PTPRD: variants seen among roughly 807,000 people sequenced by gnomAD.
PTPRD encodes protein tyrosine phosphatase receptor type D.
PTPRD carries 34 observed loss-of-function variants against 214.5 expected under a neutral mutation model. The observed-to-expected ratio is 0.16, with a 90% confidence interval of 0.12 to 0.21. The LOEUF is 0.21. Ranked by LOEUF, PTPRD falls within the 10% of genes least tolerant of loss-of-function variation. The pLI is 1.00. For synonymous variants in PTPRD, 1,128 were observed against 845.7 expected, an observed-to-expected ratio of 1.33 and a Z score of -5.79; for missense variants, 2,545 against 2,398.7, an observed-to-expected ratio of 1.06 and a Z score of -1.27.
chr9:9,323,473 C>T lies in PTPRD; in HGVS notation c.-203+73976G>A, dbSNP rs140635999. Among the ~76,000 whole-genome samples the T allele has an allele frequency of 1.9e-3, 285 of 152,202 alleles. 3 individuals are homozygous for T. The highest frequency in any genetic ancestry group is 6.6e-3 in the African/African-American group (274 of 41,532). Reference sequence around the variant, plus strand: ...GCTAATCAATATAATCTGATGTCGACCAGGTCGTCTAACTCCACATTCAGT... The same window carrying T: ...GCTAATCAATATAATCTGATGTCGATCAGGTCGTCTAACTCCACATTCAGT... On this transcript the variant is annotated intron_variant, in intron 9 of 45. Transcript: ENST00000381196.
rs1009327495 is a variant in PTPRD, at chr9:8,634,199, C to T, written c.211-741G>A. 2.0e-5 allele frequency among the ~76,000 whole-genome samples: 3 copies of T among 151,346 alleles called. No homozygotes were observed. The South Asian group carries it at 6.3e-4, about 32-fold the overall frequency. Reference sequence around the variant, plus strand: ...TCTTCTTGGAAACAGTTTAGTGACACTGATAATCCTGGGTACTTGTTAGCT... The same window carrying T: ...TCTTCTTGGAAACAGTTTAGTGACATTGATAATCCTGGGTACTTGTTAGCT... On this transcript the variant is annotated intron_variant, in intron 13 of 45. Transcript: ENST00000381196.
chr9:9,432,293 G>A (rs968944182), intron 8 of PTPRD, among the ~76,000 whole-genome samples: 64 of 152,134 alleles, frequency 4.2e-4, no homozygotes, highest in African/African-American at 1.4e-3. Context: ...AAGCATGTCA[G>A]TTTCTAATTT....
chr9:10,333,918 G>A (rs2096796463), intron 3 of PTPRD, among the ~76,000 whole-genome samples: 1 of 151,704 alleles, frequency 6.6e-6, no homozygotes, highest in African/African-American at 2.4e-5. Context: ...ACTTTCTGTT[G>A]TTGAAGAAAA....
At chr9:10,182,544 C>T in intron 3 of PTPRD, among the ~76,000 whole-genome samples, 1 of 151,992 alleles carries the variant, frequency 6.6e-6, no homozygotes, top group East Asian at 1.9e-4. Flanking sequence ...AAGTGTTTAA[C>T]ATCTATTTAC....
Position 9,367,343 on chromosome 9 carries a change from A to G in PTPRD, c.-203+30106T>C, listed in dbSNP as rs188446555. 9.0e-4 allele frequency among the ~76,000 whole-genome samples: 137 copies of G among 151,746 alleles called. 4 individuals are homozygous for G. The East Asian group carries it at 0.017, about 19-fold the overall frequency. On this transcript the variant is annotated intron_variant, in intron 9 of 45. Coordinates refer to ENST00000381196, the MANE Select transcript of PTPRD (RefSeq NM_002839.4). Reference sequence around the variant, plus strand: ...ATTTTAGTATTTTACAGTAAATAAAAGGAAAAATATACATATTTTGAAAAA... The same window carrying G: ...ATTTTAGTATTTTACAGTAAATAAAGGGAAAAATATACATATTTTGAAAAA...
intron 11 of PTPRD, among the ~76,000 whole-genome samples, chr9:8,767,265 G>C (rs1049935866): frequency 1.4e-4 from 22 of 152,108 alleles, no homozygotes; most frequent in African/African-American, 5.3e-4. Flanking sequence ...TTACAGGTGT[G>C]CACCACCACA....
chr9:10,175,541 G>A lies in PTPRD; in HGVS notation c.-544-141751C>T, dbSNP rs1345210155. ...ATCTGAACAGAAAGTGATGGCCTAA[G>A]ATTTTTTATGTGTTAACTTTGAATG... On this transcript the variant is annotated intron_variant, in intron 3 of 45. Transcript: ENST00000381196. Among the ~76,000 whole-genome samples the A allele has an allele frequency of 2.0e-5, 3 of 152,082 alleles. No individual in the cohort carries two copies. The East Asian group carries it at 5.8e-4, about 29-fold the overall frequency.
chr9:9,703,838 C>G (rs1375946115), intron 7 of PTPRD, among the ~76,000 whole-genome samples: 1 of 152,040 alleles, frequency 6.6e-6, no homozygotes, highest in African/African-American at 2.4e-5. Context: ...ATGTTGAGAA[C>G]ATATAGAATG....
At position 8,749,863 on chromosome 9, in the gene PTPRD, A is replaced by G. The variant is rs528326940; in HGVS notation, c.-103-15917T>C. On this transcript the variant is annotated intron_variant, in intron 11 of 45. Transcript: ENST00000381196. ...ACGCCTGTAATCACAACACTTTGGG[A>G]GGCCAAGGAGGGTGGATGATCTGAA... Among the ~76,000 whole-genome samples, 7 of 152,184 alleles carry G rather than the reference A, an allele frequency of 4.6e-5. No homozygotes were observed. The South Asian group carries it at 1.5e-3, about 32-fold the overall frequency.
At chr9:9,339,155 T>A (rs1471815234) in intron 9 of PTPRD, among the ~76,000 whole-genome samples, 1 of 151,942 alleles carries the variant, frequency 6.6e-6, no homozygotes, top group African/African-American at 2.4e-5. Context: ...GAAAAGAATT[T>A]TTCATGTTAA....
chr9:10,356,338 G>A (rs1378361599), intron 2 of PTPRD, among the ~76,000 whole-genome samples: 1 of 152,024 alleles, frequency 6.6e-6, no homozygotes, highest in Non-Finnish European at 1.5e-5. Context: ...ACCATGAAGG[G>A]ATACATAAGA....
chr9:8,926,494 C>T (rs2098894706), intron 11 of PTPRD, among the ~76,000 whole-genome samples: 2 of 152,022 alleles, frequency 1.3e-5, no homozygotes, highest in African/African-American at 2.4e-5. Flanking sequence ...TCCTATGTGA[C>T]CCTGAACTCT....
intron 9 of PTPRD, among the ~76,000 whole-genome samples, chr9:9,310,516 G>A (rs1052142276): frequency 1.3e-5 from 2 of 152,118 alleles, no homozygotes; most frequent in African/African-American, 4.8e-5. Context: ...AACCTGATGT[G>A]ACAATCATGT....
At chr9:8,499,294 A>T (rs2097344466) in intron 25 of PTPRD, among the ~76,000 whole-genome samples, 1 of 152,180 alleles carries the variant, frequency 6.6e-6, no homozygotes, top group African/African-American at 2.4e-5. Flanking sequence ...AAGAAAGTAG[A>T]CTCCATCAGC....
At chr9:8,522,465 G>T (rs1022272564) in intron 19 of PTPRD, among the ~76,000 whole-genome samples, 3 of 152,130 alleles carry the variant, frequency 2.0e-5, no homozygotes, top group African/African-American at 7.2e-5. Context: ...TCACATACAG[G>T]ATTCCATTCA....
rs76977813 is a variant in PTPRD, at chr9:10,416,612, A to G, written c.-599-75595T>C. Among the ~76,000 whole-genome samples, 7 of 152,066 alleles carry G rather than the reference A, an allele frequency of 4.6e-5. No individual in the cohort carries two copies. The East Asian group carries it at 1.4e-3, about 30-fold the overall frequency. On this transcript the variant is annotated intron_variant, in intron 2 of 45. Transcript: ENST00000381196. ...AAAATTGTCAAATATAAGTTTCCAG[A>G]AAATACTAGAAAACAACTGTTGGTA...
chr9:8,410,186 C>T (rs1285735700), intron 35 of PTPRD, among the ~76,000 whole-genome samples: 1 of 152,182 alleles, frequency 6.6e-6, no homozygotes, highest in East Asian at 1.9e-4. Context: ...ATATTTTGCA[C>T]AATTAGTAAA....
chr9:9,802,169 A>G (rs913032291), intron 5 of PTPRD, among the ~76,000 whole-genome samples: 3 of 151,998 alleles, frequency 2.0e-5, no homozygotes, highest in African/African-American at 7.2e-5. Context: ...GTGAGGTCCA[A>G]TATGATAATT....
intron 8 of PTPRD, among the ~76,000 whole-genome samples, chr9:9,525,296 C>T (rs2073862500): frequency 6.6e-6 from 1 of 152,106 alleles, no homozygotes; most frequent in African/African-American, 2.4e-5. Flanking sequence ...ATATTCTTGC[C>T]ACTAATCACA....
Sources: allele counts gnomAD v4.1 joint callset (sites outside exome capture counted in the v4.1 genomes callset), GRCh38; gene constraint gnomAD v4.1.1; transcripts MANE v1.5; gene names NCBI Gene and HGNC (gene_info 2026-07-23, HGNC 2026-07-21).